The following STRAP variants were observed in gnomAD, a reference collection of about 807,000 sequenced individuals.
STRAP encodes serine-threonine kinase receptor-associated protein.
STRAP carries 16 observed loss-of-function variants against 47.0 expected under a neutral mutation model. The ratio of observed to expected loss-of-function variants is 0.34; its 90% CI spans 0.23 to 0.52. The LOEUF is 0.52. Among genes scored for constraint, STRAP ranks in the 20% least tolerant of loss-of-function variants. The probability of loss-of-function intolerance (pLI) is 0.96; values close to 1 mark genes in which losing one functional copy is unlikely to be tolerated. For missense variants in STRAP, 293 were observed against 420.0 expected (o/e 0.70, Z 2.64); for synonymous variants, 130 against 142.7 (o/e 0.91, Z 0.63).
At position 15,882,731 on chromosome 12, in the gene STRAP, C is replaced by T. The variant is rs1947932852; in HGVS notation, c.24C>T (p.Leu8=). 1 of 1,612,736 alleles carries T rather than the reference C, an allele frequency of 6.2e-7. No individual in the cohort carries two copies. The highest frequency in any genetic ancestry group is 8.5e-7 in the Non-Finnish European group (1 of 1,179,782). MAMRQTP[L]TCSGHTRPVV... ...CCATGGCAATGAGACAGACGCCGCT[C>T]ACCTGCTCTGGCCACACGCGACCCG... The change falls in exon 1 of 10, where the codon CTC becomes CTT. Residue 8 remains leucine, a synonymous_variant. Coordinates refer to ENST00000419869, the MANE Select transcript of STRAP (RefSeq NM_007178.4).
intron 9 of STRAP, among the ~76,000 whole-genome samples, chr12:15,901,792 T>C (rs984951806): frequency 3.5e-5 from 5 of 141,922 alleles, no homozygotes; most frequent in African/African-American, 1.3e-4. Context: ...ACCCAGGAGG[T>C]AGAGGTTGCA....
intron 9 of STRAP, 25 bp from the exon 10 acceptor site, chr12:15,902,885 CTTTTTTT>C: frequency 4.6e-5 from 51 of 1,099,708 alleles, no homozygotes; most frequent in Middle Eastern, 3.5e-4. Flanking sequence ...ACTAATGTGA[CTTTTTTT>C]TTTTTTTTTT....
In STRAP at chr12:15,887,627, A is replaced by G. The variant is rs1240773613; in HGVS notation, c.249-2301A>G. ...TTCTAAATAGGAGGAAAAACTACAG[A>G]CACATTACCTCTCTGGTTAATATTA... On this transcript the variant is annotated intron_variant, in intron 2 of 9. Coordinates refer to ENST00000419869, the MANE Select transcript of STRAP (RefSeq NM_007178.4). This position sits in a 1 kb window ranked among gnomAD's most constrained non-coding sequence, Gnocchi z 5.5. 1.3e-5 allele frequency among the ~76,000 whole-genome samples: 2 copies of G among 152,218 alleles called. No homozygotes were observed. Among genetic ancestry groups the G allele is most frequent in the Non-Finnish European group, 2.9e-5 (2 of 68,040 alleles).
chr12:15,883,104 G>C (rs1279036819), intron 1 of STRAP: 2 of 1,535,672 alleles, frequency 1.3e-6, no homozygotes, highest in South Asian at 1.2e-5. Flanking sequence ...CATTTGCCTA[G>C]ACTCTCGGGA....
chr12:15,902,220 C>A (rs1424203200), intron 9 of STRAP, among the ~76,000 whole-genome samples: 2 of 152,170 alleles, frequency 1.3e-5, no homozygotes, highest in Non-Finnish European at 2.9e-5. Context: ...GATCTGCCCA[C>A]CTCGGCCTCC....
chr12:15,892,762 CA>C (rs1261446115), intron 4 of STRAP, among the ~76,000 whole-genome samples: 1 of 151,884 alleles, frequency 6.6e-6, no homozygotes, highest in East Asian at 1.9e-4. Flanking sequence ...AAATCTATGC[CA>C]AAACATAGCA....
intron 2 of STRAP, among the ~76,000 whole-genome samples, chr12:15,884,801 C>G (rs1314330526): frequency 4.6e-5 from 7 of 152,086 alleles, no homozygotes; most frequent in Non-Finnish European, 1.0e-4. Flanking sequence ...GATGTGCAGT[C>G]ATAGAATTGC....
rs1359976654 is a variant in STRAP, at chr12:15,890,628, A to G, written c.362A>G (p.Asp121Gly). The G allele has an allele frequency of 6.2e-7, 1 of 1,612,006 alleles. No homozygotes were observed. The highest frequency in any genetic ancestry group is 8.5e-7 in the Non-Finnish European group (1 of 1,179,224). Reference sequence around the variant, plus strand: ...AATTATTTGTTAACCGGGGGACAGGATAAACTGTTACGCATATATGACTTG... The same window carrying G: ...AATTATTTGTTAACCGGGGGACAGGGTAAACTGTTACGCATATATGACTTG... ...DSNYLLTGGQ[D>G]KLLRIYDLNK... is the part of the protein sequence containing the mutation. The change falls in exon 4 of 10, where the codon GAT becomes GGT. Residue 121 changes from aspartate to glycine, a missense_variant. Around this residue, in one of 5 missense-constraint regions of STRAP, gnomAD observed 152 missense variants for 183.0 expected, o/e 0.83. Coordinates refer to ENST00000419869, the MANE Select transcript of STRAP (RefSeq NM_007178.4). This position sits in a 1 kb window ranked among gnomAD's most constrained non-coding sequence, Gnocchi z 4.5.
At chr12:15,882,961 T>G in intron 1 of STRAP, 142 bp downstream of exon 1, 1 of 1,350,658 alleles carries the variant, frequency 7.4e-7, no homozygotes, top group Non-Finnish European at 1.0e-6. Flanking sequence ...CCAACACTGG[T>G]CCGGTGGAGA....
rs561729155 is a variant in STRAP at position 15,898,169 on chromosome 12, G to T, written c.775+151G>T. The stretch of plus-strand genomic sequence containing the variant: ...AAGCTTGGTGCTTACAAGTGAAAAA[G>T]TAAAGGAGTTTTAACCATTTGGGTC... On this transcript the variant is annotated intron_variant, in intron 7 of 9. Transcript: ENST00000419869. The T allele has an allele frequency of 1.1e-5, 7 of 610,688 alleles. No individual in the cohort carries two copies. In the South Asian group the frequency reaches 2.2e-4, roughly 20 times the overall value. The allele number at this position is 610,688 out of a possible 1,614,324, so 37.8% of individuals were successfully genotyped here. A position where few individuals can be genotyped will look rare whatever the true frequency, so the allele number is the denominator to read the frequency against.
At chr12:15,901,057 A>T (rs1948099359) in intron 9 of STRAP, 45 bp downstream of exon 9, 1 of 1,422,912 alleles carries the variant, frequency 7.0e-7, no homozygotes, top group Non-Finnish European at 9.4e-7. Context: ...TGGGGGATTT[A>T]AAATTGAACT....
rs777706138 is a variant in STRAP at position 15,900,985 on chromosome 12, T to C, written c.964T>C (p.Phe322Leu). ...TGAGCTGGCAAAGCCAAAGATTGGTTTTCCAGAGACAACAGAAGAGGAGCT... is the reference window on the plus strand; with the variant it reads ...TGAGCTGGCAAAGCCAAAGATTGGTCTTCCAGAGACAACAGAAGAGGAGCT... ...SGELAKPKIG[F>L]PETTEEELEE... The change falls in exon 9 of 10, where the codon TTT becomes CTT. Residue 322 changes from phenylalanine (F) to leucine (L), a missense_variant. Phe to Leu is a conservative substitution (Grantham distance 22). Coordinates refer to ENST00000419869, the MANE Select transcript of STRAP (RefSeq NM_007178.4). 6.3e-6 allele frequency: 10 copies of C among 1,598,552 alleles called. No homozygotes were observed. The highest frequency in any genetic ancestry group is 2.7e-5 in the African/African-American group (2 of 74,424).
chr12:15,896,684 G>A lies in STRAP; in HGVS notation c.638+1188G>A, dbSNP rs1182095267. Among the ~76,000 whole-genome samples, 1 of 152,148 alleles carries A rather than the reference G, an allele frequency of 6.6e-6. No individual in the cohort carries two copies. Among genetic ancestry groups the A allele is most frequent in the Non-Finnish European group, 1.5e-5 (1 of 68,018 alleles). ...ATAGGTTGTACTAAATTATGGGTTA[G>A]TTTCCCTGTTTTAGCACCACGGTGA... On this transcript the variant is annotated intron_variant, in intron 6 of 9. Coordinates refer to ENST00000419869, the MANE Select transcript of STRAP (RefSeq NM_007178.4). The surrounding 1 kb of genome is among the most constrained non-coding windows in gnomAD (Gnocchi z 4.1).
At position 15,897,935 on chromosome 12, in the gene STRAP, T is replaced by C. The variant is rs1329262950; in HGVS notation, c.692T>C (p.Leu231Pro). The C allele has an allele frequency of 1.3e-6, 2 of 1,596,922 alleles. No homozygotes were observed. Among genetic ancestry groups the C allele is most frequent in the Non-Finnish European group, 1.7e-6 (2 of 1,172,886 alleles). The change falls in exon 7 of 10, where the codon CTT (leucine) becomes CCT (proline). Residue 231 changes from leucine to proline, a missense_variant. Leu to Pro is a moderately conservative substitution (Grantham distance 98). Coordinates refer to ENST00000419869, the MANE Select transcript of STRAP (RefSeq NM_007178.4). ...CCTGCAACCATCAATTCTGCATCTCTTCATCCTGAGAAAGAATTTCTTGTT... is the reference window on the plus strand; with the variant it reads ...CCTGCAACCATCAATTCTGCATCTCCTCATCCTGAGAAAGAATTTCTTGTT... ...EAPATINSASLHPEKEFLVAG... is the reference protein window; with the variant it reads ...EAPATINSASPHPEKEFLVAG...
At chr12:15,898,102 A>G in intron 7 of STRAP, 84 bp downstream of exon 7, 2 of 1,169,762 alleles carry the variant, frequency 1.7e-6, no homozygotes, top group East Asian at 3.3e-5. Flanking sequence ...ATATATATAT[A>G]TGTTACATAT....
In STRAP at chr12:15,890,615, A is replaced by G. The variant is rs1048672472; in HGVS notation, c.349A>G (p.Thr117Ala). 3.1e-6 allele frequency: 5 copies of G among 1,611,480 alleles called. No homozygotes were observed. The African/African-American group carries it at 5.4e-5, about 17-fold the overall frequency. Residue 117 changes from threonine (T) to alanine (A), a missense_variant, in exon 4 of 10, where the codon ACC becomes GCC. By Grantham distance (58) the Thr-to-Ala change is moderately conservative. Transcript: ENST00000419869. This position sits in a 1 kb window ranked among gnomAD's most constrained non-coding sequence, Gnocchi z 4.5. ...DFTQDSNYLL[T>A]GGQDKLLRIY... Reference sequence around the variant, plus strand: ...TTTTCAGGATAGTAATTATTTGTTAACCGGGGGACAGGATAAACTGTTACG... The same window carrying G: ...TTTTCAGGATAGTAATTATTTGTTAGCCGGGGGACAGGATAAACTGTTACG...
chr12:15,888,910 A>G (rs183996121), intron 2 of STRAP, among the ~76,000 whole-genome samples: 5 of 152,234 alleles, frequency 3.3e-5, no homozygotes, highest in African/African-American at 1.2e-4. Context: ...TATTGGGGTA[A>G]GCAAAAGAAA....
At position 15,890,740 on chromosome 12, in the gene STRAP, A is replaced by C; in HGVS notation, c.403+71A>C. Reference sequence around the variant, plus strand: ...TTTAAATAACTGATTAAAGAATTTCATGCTCAGTACTCAAATTTGGAAAAT... The same window carrying C: ...TTTAAATAACTGATTAAAGAATTTCCTGCTCAGTACTCAAATTTGGAAAAT... On this transcript the variant is annotated intron_variant, in intron 4 of 9. Coordinates refer to ENST00000419869, the MANE Select transcript of STRAP (RefSeq NM_007178.4). The surrounding 1 kb of genome is among the most constrained non-coding windows in gnomAD (Gnocchi z 4.5). 7 of 1,345,000 alleles carry C rather than the reference A, an allele frequency of 5.2e-6. No individual in the cohort carries two copies. Among genetic ancestry groups the C allele is most frequent in the South Asian group, 1.3e-5 (1 of 78,334 alleles). 83.3% of individuals were successfully genotyped at this position (1,345,000 alleles called of 1,614,324 possible).
At chr12:15,886,322 G>C (rs1044788256) in intron 2 of STRAP, among the ~76,000 whole-genome samples, 11 of 151,804 alleles carry the variant, frequency 7.2e-5, no homozygotes, top group Admixed American at 7.2e-4. Flanking sequence ...CCTGAATAGT[G>C]ACCACAGGCG....
Sources: allele counts gnomAD v4.1 joint callset (sites outside exome capture counted in the v4.1 genomes callset), GRCh38; gene constraint gnomAD v4.1.1; regional missense constraint gnomAD v4.1.1; non-coding constraint Gnocchi (gnomAD v3.1); transcripts MANE v1.5; gene names NCBI Gene and HGNC (gene_info 2026-07-23, HGNC 2026-07-21).